Variants in EAF2 observed in about 807,000 individuals in gnomAD.
The protein encoded by EAF2 is ELL-associated factor 2.
EAF2 carries 29 observed loss-of-function variants against 29.4 expected under a neutral mutation model. The observed-to-expected ratio is 0.99, with a 90% CI of 0.73 to 1.35. The LOEUF (loss-of-function observed/expected upper bound fraction) is 1.35. Among genes scored for constraint, EAF2 ranks in the 40% most tolerant of loss-of-function variants. The pLI is 0.00. For synonymous variants in EAF2, 103 were observed against 102.5 expected, an observed-to-expected ratio of 1.00 and a Z score of -0.03; for missense variants, 292 against 312.0, an observed-to-expected ratio of 0.94 and a Z score of 0.48.
In EAF2 at chr3:121,872,743, C is replaced by A; in HGVS notation, c.691C>A (p.His231Asn). ...CAGGATTCCTGATATAGATGCCAGT[C>A]ATAATAGATTTCGAGACAACAGTGG... The part of the protein sequence containing the change: ...QYRIPDIDAS[H>N]NRFRDNSGLL... The change falls in exon 5 of 6, where the codon CAT becomes AAT. Residue 231 changes from histidine to asparagine, a missense_variant. Transcript: ENST00000273668. 6.2e-7 allele frequency: 1 copy of A among 1,612,244 alleles called. No individual in the cohort carries two copies. Among genetic ancestry groups the A allele is most frequent in the South Asian group, 1.1e-5 (1 of 90,918 alleles).
chr3:121,870,585 A>G (rs568031957), intron 4 of EAF2, among the ~76,000 whole-genome samples: 1 of 152,316 alleles, frequency 6.6e-6, no homozygotes, highest in Admixed American at 6.5e-5. Context: ...AAGAGACACC[A>G]TTAATGAAAT....
chr3:121,882,677 C>T (rs557220782), intron 5 of EAF2, among the ~76,000 whole-genome samples: 9 of 151,352 alleles, frequency 5.9e-5, no homozygotes, highest in East Asian at 1.9e-4. Context: ...AATCAGCAAA[C>T]GATAGAACTA....
At chr3:121,838,689 G>A (rs1708350415) in intron 1 of EAF2, among the ~76,000 whole-genome samples, 1 of 152,138 alleles carries the variant, frequency 6.6e-6, no homozygotes, top group Non-Finnish European at 1.5e-5. Context: ...CATCTATGTA[G>A]TCTTCAGGGA....
At position 121,839,252 on chromosome 3, in the gene EAF2, T is replaced by C. The variant is rs1478556520; in HGVS notation, c.106+3861T>C. On this transcript the variant is annotated intron_variant, in intron 1 of 5. Transcript: ENST00000273668. Reference sequence around the variant, plus strand: ...TATCTTTAAAAATCAGATGATAAGCTGGCAACATTGATCCCATATCTTCTC... The same window carrying C: ...TATCTTTAAAAATCAGATGATAAGCCGGCAACATTGATCCCATATCTTCTC... Among the ~76,000 whole-genome samples, 3 of 152,308 alleles carry C rather than the reference T, an allele frequency of 2.0e-5. No individual in the cohort carries two copies. The East Asian group carries it at 5.8e-4, about 29-fold the overall frequency.
At chr3:121,854,570 T>G in intron 2 of EAF2, 117 bp from the exon 3 acceptor site, 1 of 815,174 alleles carries the variant, frequency 1.2e-6, no homozygotes, top group Non-Finnish European at 1.8e-6. Flanking sequence ...TTTAGGTAGT[T>G]TATGGGTGAC....
intron 5 of EAF2, among the ~76,000 whole-genome samples, chr3:121,875,254 T>G (rs1266979116): frequency 6.6e-6 from 1 of 151,716 alleles, no homozygotes; most frequent in Non-Finnish European, 1.5e-5. Context: ...CTGGAAGAAA[T>G]AGCCAATTAA....
At chr3:121,841,521 AAAAAAAAAAAAAAAAAAAAAAAGAAAG>A (rs1708429216) in intron 1 of EAF2, among the ~76,000 whole-genome samples, 1 of 25,796 alleles carries the variant, frequency 3.9e-5, no homozygotes, top group South Asian at 1.6e-3. Context: ...AAAAAAAAAA[AAAAAAAAAAAAAAAAAAAAAAAGAAAG>A]AAAGAAAGAA....
intron 2 of EAF2, among the ~76,000 whole-genome samples, chr3:121,846,517 C>T (rs1466405960): frequency 6.6e-6 from 1 of 152,146 alleles, no homozygotes; most frequent in Non-Finnish European, 1.5e-5. Context: ...GAACCAACCA[C>T]TGAATTTTAA....
chr3:121,865,918 C>T (rs1000700919), intron 4 of EAF2, among the ~76,000 whole-genome samples: 1 of 152,198 alleles, frequency 6.6e-6, no homozygotes, highest in Non-Finnish European at 1.5e-5. Flanking sequence ...GTTTACACCA[C>T]TCTACCTCCC....
chr3:121,852,415 C>T (rs1708649171), intron 2 of EAF2, among the ~76,000 whole-genome samples: 1 of 152,178 alleles, frequency 6.6e-6, no homozygotes, highest in Non-Finnish European at 1.5e-5. Flanking sequence ...GCTCCTGACT[C>T]TCCAGCTTAC....
chr3:121,844,588 A>G, intron 2 of EAF2, 41 bp downstream of exon 2: 1 of 1,301,642 alleles, frequency 7.7e-7, no homozygotes, highest in Non-Finnish European at 1.1e-6. Flanking sequence ...CTTTTGTGGG[A>G]TTCTCAGTAA....
rs1709286355 is a variant in EAF2, at chr3:121,886,447, C to A, written c.*59C>A. 2.9e-6 allele frequency: 3 copies of A among 1,043,240 alleles called. No homozygotes were observed. Among genetic ancestry groups the A allele is most frequent in the Admixed American group, 2.9e-5 (1 of 34,264 alleles). The allele number at this position is 1,043,240 out of a possible 1,614,324, so 64.6% of individuals were successfully genotyped here. A position where few individuals can be genotyped will look rare whatever the true frequency, so the allele number is the denominator to read the frequency against. On this transcript the variant is annotated 3_prime_UTR_variant, in exon 6 of 6. Transcript: ENST00000273668. Reference sequence around the variant, plus strand: ...GCATGTATAATTTATTTTGTATTAACAATAAAAATTCCTAAGACTGAGGGA... The same window carrying A: ...GCATGTATAATTTATTTTGTATTAAAAATAAAAATTCCTAAGACTGAGGGA...
intron 2 of EAF2, 40 bp downstream of exon 2, chr3:121,844,587 G>T (rs1446172346): frequency 7.7e-7 from 1 of 1,300,580 alleles, no homozygotes; most frequent in African/African-American, 1.5e-5. Context: ...ACTTTTGTGG[G>T]ATTCTCAGTA....
chr3:121,877,357 T>C (rs1035837838), intron 5 of EAF2, among the ~76,000 whole-genome samples: 12 of 151,956 alleles, frequency 7.9e-5, no homozygotes, highest in Non-Finnish European at 1.6e-4. Flanking sequence ...ATAATAGACA[T>C]ACCTATTCTA....
chr3:121,861,247 T>C (rs1452391777), intron 4 of EAF2, among the ~76,000 whole-genome samples: 1 of 152,216 alleles, frequency 6.6e-6, no homozygotes, highest in Non-Finnish European at 1.5e-5. Flanking sequence ...GTCTCATTGA[T>C]CTGTCTAATA....
rs981003648 is a variant in EAF2 at position 121,886,283 on chromosome 3, T to C, written c.737-59T>C. On this transcript the variant is annotated intron_variant, in intron 5 of 5. Transcript: ENST00000273668. The stretch of plus-strand genomic sequence containing the variant: ...TATATTTTGTGTAAAATTTGTGTTA[T>C]GCAAAAATAATATTAAATATTTAAT... 7 of 1,168,150 alleles carry C rather than the reference T, an allele frequency of 6.0e-6. No individual in the cohort carries two copies. The African/African-American group carries it at 6.5e-5, about 11-fold the overall frequency. 72.4% of individuals were successfully genotyped at this position (1,168,150 alleles called of 1,614,324 possible). A position where few individuals can be genotyped will look rare whatever the true frequency, so the allele number is the denominator to read the frequency against.
rs57868658 is a variant in EAF2, at chr3:121,841,504, C to CAAAAA, written c.107-2914_107-2910dup. On this transcript the variant is annotated intron_variant, in intron 1 of 5. Transcript: ENST00000273668. ...TAGGCGGCAGAGGGAGACCCTGTCT[C>CAAAAA]AAAAAAAAAAAAAAAAAAAAAAAAA... 3.6e-3 allele frequency among the ~76,000 whole-genome samples: 93 copies of CAAAAA among 25,934 alleles called. 1 individual carries two copies. The highest frequency in any genetic ancestry group is 0.038 in the Middle Eastern group (1 of 26). 17.0% of individuals were successfully genotyped at this position (25,934 alleles called of 152,430 possible).
At chr3:121,865,368 T>A (rs912681908) in intron 4 of EAF2, among the ~76,000 whole-genome samples, 1 of 152,254 alleles carries the variant, frequency 6.6e-6, no homozygotes, top group Non-Finnish European at 1.5e-5. Context: ...CCTTGAGATA[T>A]TTGTATAACA....
chr3:121,854,798 A>G lies in EAF2; in HGVS notation c.313A>G (p.Ser105Gly), dbSNP rs1708690294. The G allele has an allele frequency of 2.5e-6, 4 of 1,572,666 alleles. No individual in the cohort carries two copies. The highest frequency in any genetic ancestry group is 3.4e-6 in the Non-Finnish European group (4 of 1,169,416). Residue 105 changes from serine to glycine, a missense_variant, in exon 3 of 6, where the codon AGC becomes GGC. Coordinates refer to ENST00000273668, the MANE Select transcript of EAF2 (RefSeq NM_018456.6). ...TGECRLEKLSSNITVKKTRVE... is the reference protein window; with the variant it reads ...TGECRLEKLSGNITVKKTRVE... Reference sequence around the variant, plus strand: ...AGAATGTCGGCTAGAAAAACTCAGCAGCAACATCACTGTAAAAAAAACAAG... The same window carrying G: ...AGAATGTCGGCTAGAAAAACTCAGCGGCAACATCACTGTAAAAAAAACAAG...
Sources: allele counts gnomAD v4.1 joint callset (sites outside exome capture counted in the v4.1 genomes callset), GRCh38; gene constraint gnomAD v4.1.1; transcripts MANE v1.5; gene names NCBI Gene and HGNC (gene_info 2026-07-23, HGNC 2026-07-21).